Variants in TYR observed in about 807,000 individuals in gnomAD.
The protein encoded by TYR is LB24-AB.
A neutral mutation model predicts 51.5 loss-of-function variants in TYR; 58 were observed. The observed-to-expected ratio is 1.13, with a 90% CI of 0.91 to 1.40. The LOEUF (loss-of-function observed/expected upper bound fraction) is 1.40. Among genes scored for constraint, TYR ranks in the 40% most tolerant of loss-of-function variants. The pLI is 0.00. For synonymous variants in TYR, 263 were observed against 235.2 expected (o/e 1.12, Z -1.08); for missense variants, 732 against 647.4 (o/e 1.13, Z -1.42).
In TYR at chr11:89,178,694, C is replaced by T. The variant is rs1185485047; in HGVS notation, c.741C>T (p.Cys247=). The change falls in exon 1 of 5, where the codon TGC becomes TGT. Residue 247 remains cysteine (C), a synonymous_variant. Transcript: ENST00000263321. ...GGGATGCAGAAAAGTGTGACATTTGCACAGATGAGTACATGGGAGGTCAGC... is the reference window on the plus strand; with the variant it reads ...GGGATGCAGAAAAGTGTGACATTTGTACAGATGAGTACATGGGAGGTCAGC... ...DWRDAEKCDI[C]TDEYMGGQHP... 1.2e-6 allele frequency: 2 copies of T among 1,613,854 alleles called. No individual in the cohort carries two copies. Among genetic ancestry groups the T allele is most frequent in the Non-Finnish European group, 1.7e-6 (2 of 1,179,966 alleles).
At chr11:89,238,479 A>T (rs1448552440) in intron 3 of TYR, among the ~76,000 whole-genome samples, 1 of 152,066 alleles carries the variant, frequency 6.6e-6, no homozygotes, top group Non-Finnish European at 1.5e-5. Flanking sequence ...TTAATTTTTA[A>T]TAGAATTTTA....
At position 89,284,958 on chromosome 11, in the gene TYR, A is replaced by G. The variant is rs61754398; in HGVS notation, c.1366+4A>G. On this transcript the variant is annotated splice_donor_region_variant and intron_variant, in intron 4 of 4. Transcript: ENST00000263321. ...TATAGCTATCTACAAGATTCAGGTA[A>G]AGTTTACTTTCTTTCAGAGGAATTG... The G allele has an allele frequency of 2.3e-3, 3,768 of 1,610,256 alleles. 9 individuals carry two copies. The highest frequency in any genetic ancestry group is 3.0e-3 in the Non-Finnish European group (3,560 of 1,177,206).
chr11:89,188,035 T>G (rs1943398942), intron 1 of TYR, among the ~76,000 whole-genome samples: 1 of 150,298 alleles, frequency 6.7e-6, no homozygotes, highest in Non-Finnish European at 1.5e-5. Context: ...CAGTAAAACA[T>G]TATATATAAT....
chr11:89,271,360 A>G (rs1944586801), intron 3 of TYR, among the ~76,000 whole-genome samples: 1 of 151,920 alleles, frequency 6.6e-6, no homozygotes, highest in Non-Finnish European at 1.5e-5. Flanking sequence ...AGTCACATTA[A>G]TATTTTGATT....
rs114836760 is a variant in TYR, at chr11:89,240,967, G to A, written c.1184+12997G>A. Among the ~76,000 whole-genome samples, 1,075 of 152,258 alleles carry A rather than the reference G, an allele frequency of 7.1e-3. 13 individuals are homozygous for A. The highest frequency in any genetic ancestry group is 0.023 in the African/African-American group (946 of 41,538). ...CAAAAAACTTTCTGGCGTGGATATG[G>A]GGTTGAAAAGTTTGAGAAGGTTGAA... On this transcript the variant is annotated intron_variant, in intron 3 of 4. Transcript: ENST00000263321.
intron 3 of TYR, among the ~76,000 whole-genome samples, chr11:89,270,034 T>C (rs1450857921): frequency 1.3e-5 from 2 of 151,944 alleles, no homozygotes; most frequent in African/African-American, 4.8e-5. Flanking sequence ...ATTATGTCAC[T>C]GCATGGCTTA....
At chr11:89,239,145 T>C (rs1248704947) in intron 3 of TYR, among the ~76,000 whole-genome samples, 1 of 152,206 alleles carries the variant, frequency 6.6e-6, no homozygotes, top group Non-Finnish European at 1.5e-5. Context: ...GGAAGAGTTT[T>C]TGATGGATTT....
intron 2 of TYR, among the ~76,000 whole-genome samples, chr11:89,198,394 G>A (rs950820784): frequency 6.6e-6 from 1 of 152,090 alleles, no homozygotes; most frequent in Admixed American, 6.6e-5. Flanking sequence ...CAGAAACTCA[G>A]TAGTTTGGTG....
chr11:89,191,625 G>A (rs1488434884), intron 2 of TYR, among the ~76,000 whole-genome samples: 1 of 152,010 alleles, frequency 6.6e-6, no homozygotes, highest in East Asian at 1.9e-4. Flanking sequence ...CAGGCATGGT[G>A]GCTCATGCCT....
chr11:89,256,810 T>C (rs1944397503), intron 3 of TYR, among the ~76,000 whole-genome samples: 1 of 151,898 alleles, frequency 6.6e-6, no homozygotes, highest in Non-Finnish European at 1.5e-5. Flanking sequence ...TCATATCACC[T>C]GACATTGAAG....
At chr11:89,254,556 T>C (rs569165805) in intron 3 of TYR, among the ~76,000 whole-genome samples, 19 of 151,680 alleles carry the variant, frequency 1.3e-4, no homozygotes, top group Non-Finnish European at 2.4e-4. Context: ...TCTAGGAGGG[T>C]TGTGTATTTC....
chr11:89,243,589 C>A (rs1203649346), intron 3 of TYR, among the ~76,000 whole-genome samples: 2 of 152,142 alleles, frequency 1.3e-5, no homozygotes, highest in African/African-American at 2.4e-5. Flanking sequence ...AATTTCAATT[C>A]TCATTTTATC....
In TYR at chr11:89,295,523, G is replaced by C; in HGVS notation, c.*157G>C. The C allele has an allele frequency of 3.4e-6, 3 of 891,752 alleles. No homozygotes were observed. Among genetic ancestry groups the C allele is most frequent in the Non-Finnish European group, 5.3e-6 (3 of 570,824 alleles). 55.2% of individuals were successfully genotyped at this position (891,752 alleles called of 1,614,324 possible). On this transcript the variant is annotated 3_prime_UTR_variant, in exon 5 of 5. Coordinates refer to ENST00000263321, the MANE Select transcript of TYR (RefSeq NM_000372.5). ...GTGTAGCCTTCTTCCAACTCAGGTA[G>C]AACACACCTGTCTTTGTCTTGCTGT...
At chr11:89,257,755 T>C (rs1207923536) in intron 3 of TYR, among the ~76,000 whole-genome samples, 1 of 152,072 alleles carries the variant, frequency 6.6e-6, no homozygotes, top group African/African-American at 2.4e-5. Context: ...TCAGCCAGCA[T>C]TTCAGCTGGC....
intron 4 of TYR, among the ~76,000 whole-genome samples, chr11:89,287,562 T>C (rs748343768): frequency 3.9e-5 from 6 of 151,904 alleles, no homozygotes; most frequent in Non-Finnish European, 7.4e-5. Context: ...AACTCATTTA[T>C]ATAGAGATAT....
intron 2 of TYR, among the ~76,000 whole-genome samples, chr11:89,220,867 TAGA>T (rs1274665266): frequency 3.3e-5 from 5 of 152,274 alleles, no homozygotes; most frequent in South Asian, 2.1e-4. Context: ...CACATAGGAA[TAGA>T]AGGTGTAGTA....
chr11:89,278,497 GT>G (rs1235074702), intron 3 of TYR, among the ~76,000 whole-genome samples: 3 of 151,462 alleles, frequency 2.0e-5, no homozygotes, highest in East Asian at 1.9e-4. Context: ...GTGTATGTAA[GT>G]TTTTTTTGTG....
chr11:89,235,329 T>C (rs1944097157), intron 3 of TYR, among the ~76,000 whole-genome samples: 1 of 152,128 alleles, frequency 6.6e-6, no homozygotes, highest in Non-Finnish European at 1.5e-5. Flanking sequence ...TGACTATATA[T>C]CAAAAGGAAG....
chr11:89,185,043 A>G (rs1452125841), intron 1 of TYR, among the ~76,000 whole-genome samples: 1 of 152,172 alleles, frequency 6.6e-6, no homozygotes, highest in African/African-American at 2.4e-5. Flanking sequence ...TTCAAATGTG[A>G]TGCAAACAGT....
Sources: gnomAD v4.1 joint callset for allele counts (sites outside exome capture counted in the v4.1 genomes callset) on GRCh38, gnomAD v4.1.1 for gene constraint, MANE v1.5 for transcripts, NCBI Gene and HGNC (gene_info 2026-07-23, HGNC 2026-07-21) for gene names.